The following DENND4C variants were observed in gnomAD, a reference collection of about 807,000 sequenced individuals.
DENND4C encodes DENN domain-containing protein 4C.
In DENND4C, 108 loss-of-function variants were observed where a neutral mutation model predicts 203.0. The observed-to-expected ratio is 0.53, with a 90% CI of 0.46 to 0.62. DENND4C has a LOEUF of 0.62. DENND4C is among the 20% of genes least tolerant of loss of function. DENND4C has a pLI of 0.00. For synonymous variants in DENND4C, 871 were observed against 792.4 expected, an observed-to-expected ratio of 1.10 and a Z score of -1.67; for missense variants, 2,481 against 2,301.2, an observed-to-expected ratio of 1.08 and a Z score of -1.60.
intron 10 of DENND4C, among the ~76,000 whole-genome samples, chr9:19,312,044 G>A (rs1046325547): frequency 2.6e-5 from 4 of 152,158 alleles, no homozygotes; most frequent in South Asian, 2.1e-4. Context: ...CTACTGTAGC[G>A]CTGTAAAATG....
intron 17 of DENND4C, among the ~76,000 whole-genome samples, chr9:19,332,755 T>C (rs1453824274): frequency 6.8e-6 from 1 of 146,318 alleles, no homozygotes; most frequent in Non-Finnish European, 1.5e-5. Flanking sequence ...ATATGGTTTT[T>C]CTGTTTTTGA....
chr9:19,238,684 G>C (rs1267484701), intron 1 of DENND4C, among the ~76,000 whole-genome samples: 1 of 107,224 alleles, frequency 9.3e-6, no homozygotes, highest in Admixed American at 1.0e-4. Flanking sequence ...ACAGAATTTC[G>C]CTCTTGTGGC....
rs192480902 is a variant in DENND4C at position 19,296,421 on chromosome 9, G to T, written c.1040+175G>T. On this transcript the variant is annotated intron_variant, in intron 6 of 32. Coordinates refer to ENST00000434457, the MANE Select transcript of DENND4C (RefSeq NM_001330640.2). The stretch of plus-strand genomic sequence containing the variant: ...GCTCTGTCACCCAGGCTGGAGTGCA[G>T]TGGTGTGATCTTGGTTCACTGCAAC... Among the ~76,000 whole-genome samples, 12 of 149,916 alleles carry T rather than the reference G, an allele frequency of 8.0e-5. No individual in the cohort carries two copies. The South Asian group carries it at 1.5e-3, about 19-fold the overall frequency.
intron 1 of DENND4C, among the ~76,000 whole-genome samples, chr9:19,251,486 C>T (rs1009616682): frequency 1.3e-5 from 2 of 152,226 alleles, no homozygotes; most frequent in African/African-American, 4.8e-5. Flanking sequence ...ATTAACATTC[C>T]ACTCTTCGTT....
At chr9:19,371,937 A>G in intron 32 of DENND4C, 100 bp from the exon 33 acceptor site, 2 of 1,335,064 alleles carry the variant, frequency 1.5e-6, no homozygotes, top group Admixed American at 2.2e-5. Flanking sequence ...TTCTAAATAT[A>G]TAGTTCAAAT....
At chr9:19,239,200 T>G (rs1823064515) in intron 1 of DENND4C, among the ~76,000 whole-genome samples, 1 of 152,154 alleles carries the variant, frequency 6.6e-6, no homozygotes, top group African/African-American at 2.4e-5. Context: ...GTCTTTAATT[T>G]TAGAACTCTC....
chr9:19,308,714 G>A (rs1040641776), intron 10 of DENND4C, among the ~76,000 whole-genome samples: 1 of 151,994 alleles, frequency 6.6e-6, no homozygotes, highest in Middle Eastern at 3.2e-3. Context: ...TTTGGTTCTT[G>A]TATATGAGAT....
At chr9:19,366,977 TGTAAA>T (rs1827813484) in intron 30 of DENND4C, among the ~76,000 whole-genome samples, 1 of 152,232 alleles carries the variant, frequency 6.6e-6, no homozygotes, top group East Asian at 1.9e-4. Flanking sequence ...ACCCAGACTA[TGTAAA>T]GTACTCTTAC....
At chr9:19,367,783 T>C (rs1827995966) in intron 30 of DENND4C, among the ~76,000 whole-genome samples, 1 of 152,154 alleles carries the variant, frequency 6.6e-6, no homozygotes, top group Admixed American at 6.6e-5. Flanking sequence ...TAAAGTATGG[T>C]ATATCCATAC....
At chr9:19,256,721 C>T (rs984170711) in intron 1 of DENND4C, among the ~76,000 whole-genome samples, 66 of 151,358 alleles carry the variant, frequency 4.4e-4, no homozygotes, top group East Asian at 1.9e-3. Flanking sequence ...AAACCTCATC[C>T]GAGAAAAAAT....
chr9:19,316,489 A>T lies in DENND4C; in HGVS notation c.1560A>T (p.Leu520Phe). The change falls in exon 11 of 33, where the codon TTA becomes TTT. Residue 520 changes from leucine to phenylalanine, a missense_variant. Leu to Phe is a conservative substitution (Grantham distance 22). Coordinates refer to ENST00000434457, the MANE Select transcript of DENND4C (RefSeq NM_001330640.2). Reference protein sequence around the residue: ...KKPCKNLLSTLKKLYPQLSSV... With the variant: ...KKPCKNLLSTFKKLYPQLSSV... ...CGTGCAAAAATCTACTTAGCACCTT[A>T]AAGAAATTGTATCCCCAGCTGTCTT... 6.2e-7 allele frequency: 1 copy of T among 1,613,840 alleles called. No individual in the cohort carries two copies. Among genetic ancestry groups the T allele is most frequent in the Non-Finnish European group, 8.5e-7 (1 of 1,179,950 alleles).
At chr9:19,326,314 A>G (rs1817825142) in intron 15 of DENND4C, 120 bp downstream of exon 15, 1 of 1,016,128 alleles carries the variant, frequency 9.8e-7, no homozygotes, top group African/African-American at 1.7e-5. Flanking sequence ...TCAGTGAACT[A>G]ATGTAGATAA....
At chr9:19,234,530 GT>G (rs34232597) in intron 1 of DENND4C, among the ~76,000 whole-genome samples, 2,240 of 104,436 alleles carry the variant, frequency 0.021, 66 homozygotes, top group African/African-American at 0.077. Context: ...GCACCTGGCT[GT>G]TTTTTTTTTT....
chr9:19,340,928 T>TCGCCG, intron 20 of DENND4C, 64 bp from the exon 21 acceptor site: 1 of 1,422,492 alleles, frequency 7.0e-7, no homozygotes, highest in Non-Finnish European at 9.3e-7. Flanking sequence ...TTTCTTGTGA[T>TCGCCG]TTTTATATAT....
intron 17 of DENND4C, among the ~76,000 whole-genome samples, chr9:19,333,312 G>C (rs927739599): frequency 3.7e-4 from 56 of 152,048 alleles, no homozygotes; most frequent in East Asian, 1.9e-4. Context: ...CACTGCACCT[G>C]GCCTATGGAA....
At chr9:19,235,282 G>C (rs1230677564) in intron 1 of DENND4C, among the ~76,000 whole-genome samples, 1 of 152,096 alleles carries the variant, frequency 6.6e-6, no homozygotes, top group African/African-American at 2.4e-5. Flanking sequence ...GACTTTCTTT[G>C]AATTACTTTC....
At chr9:19,242,050 A>T (rs910302521) in intron 1 of DENND4C, among the ~76,000 whole-genome samples, 1 of 152,144 alleles carries the variant, frequency 6.6e-6, no homozygotes, top group East Asian at 1.9e-4. Context: ...TTTCACCTCC[A>T]TGAGATTATT....
Position 19,346,043 on chromosome 9 carries a change from A to G in DENND4C, c.3274A>G (p.Arg1092Gly). The G allele has an allele frequency of 1.2e-6, 2 of 1,614,162 alleles. No individual in the cohort carries two copies. The highest frequency in any genetic ancestry group is 1.7e-6 in the Non-Finnish European group (2 of 1,180,026). ...GEKRQKHFPE[R>G]SCSFSSESRA... ...AAAAAGACAAAAGCATTTTCCTGAG[A>G]GGAGTTGTAGTTTTAGTTCTGAAAG... The change falls in exon 23 of 33, where the codon AGG (arginine) becomes GGG (glycine). Residue 1092 changes from arginine to glycine, a missense_variant. Coordinates refer to ENST00000434457, the MANE Select transcript of DENND4C (RefSeq NM_001330640.2).
In DENND4C at chr9:19,334,977, G is replaced by C; in HGVS notation, c.2461G>C (p.Val821Leu). ...GACACTGATTTTTTTTTTTTGTTAG[G>C]TGTGCTATCGAGTAGTGATGCAGCT... ...RKTDVDPLDE[V>L]CYRVVMQLCG... is the part of the protein sequence containing the mutation. Residue 821 changes from valine to leucine, a missense_variant and splice_region_variant, in exon 18 of 33, where the codon GTG becomes CTG. By Grantham distance (32) the Val-to-Leu change is conservative (BLOSUM62 1). Around this residue, in one of 3 missense-constraint regions of DENND4C, gnomAD observed 2,289 missense variants for 2,113.3 expected, o/e 1.08. Coordinates refer to ENST00000434457, the MANE Select transcript of DENND4C (RefSeq NM_001330640.2). 2 of 1,580,974 alleles carry C rather than the reference G, an allele frequency of 1.3e-6. No individual in the cohort carries two copies. The highest frequency in any genetic ancestry group is 3.9e-5 in the Admixed American group (2 of 50,844).
Sources: gnomAD v4.1 joint callset for allele counts (sites outside exome capture counted in the v4.1 genomes callset) on GRCh38, gnomAD v4.1.1 for gene constraint, gnomAD v4.1.1 regional missense constraint, MANE v1.5 for transcripts, NCBI Gene and HGNC (gene_info 2026-07-23, HGNC 2026-07-21) for gene names.